The following ZNF212 variants were observed in gnomAD, a reference collection of about 807,000 sequenced individuals.
The protein encoded by ZNF212 is Zinc finger protein C2H2-150.
Under a neutral mutation model 47.3 loss-of-function variants are expected in ZNF212, and 32 were observed. The observed-to-expected ratio is 0.68, with a 90% confidence interval of 0.51 to 0.91. ZNF212 has a LOEUF of 0.91. Among genes scored for constraint, ZNF212 ranks in the 40% least tolerant of loss-of-function variants. The pLI is 0.00. For missense variants in ZNF212, 555 were observed against 622.8 expected (o/e 0.89, Z 1.16); for synonymous variants, 242 against 253.8 (o/e 0.95, Z 0.44).
chr7:149,250,580 G>A, intron 2 of ZNF212, 32 bp downstream of exon 2: 1 of 1,604,084 alleles, frequency 6.2e-7, no homozygotes, highest in Admixed American at 1.7e-5. Context: ...AGTTAGAAGA[G>A]AAGGGGGAGC....
At chr7:149,252,919 C>A in intron 4 of ZNF212, 124 bp downstream of exon 4, 1 of 905,990 alleles carries the variant, frequency 1.1e-6, no homozygotes, top group Non-Finnish European at 1.7e-6. Context: ...TTGTTCTGGA[C>A]TCCTTTATGA....
intron 1 of ZNF212, among the ~76,000 whole-genome samples, chr7:149,246,813 C>CTTTTTTTTTTTTTTTTTTTTTTTTTTT (rs71194633): frequency 9.7e-6 from 1 of 103,592 alleles, no homozygotes; most frequent in Non-Finnish European, 1.9e-5. Context: ...TGTCTGAATT[C>CTTTTTTTTTTTTTTTTTTTTTTTTTTT]TTTTTTTTTT....
chr7:149,247,832 A>C (rs1419158013), intron 1 of ZNF212, among the ~76,000 whole-genome samples: 5 of 152,216 alleles, frequency 3.3e-5, no homozygotes, highest in Non-Finnish European at 7.3e-5. Flanking sequence ...TTGGTGTAAC[A>C]GAATACATGA....
In ZNF212 at chr7:149,250,453, C is replaced by T. The variant is rs1250866299; in HGVS notation, c.319C>T (p.Leu107=). 11 of 1,614,158 alleles carry T rather than the reference C, an allele frequency of 6.8e-6. No homozygotes were observed. In the South Asian group the frequency reaches 8.8e-5, roughly 13 times the overall value. The change falls in exon 2 of 5, where the codon CTG becomes TTG. Residue 107 remains leucine (L), a synonymous_variant. Transcript: ENST00000335870. ...GACCCTGCTGCAGGAGTATGGGCTACTGCAGAGGCGGCTGGAGAACGTGGA... is the reference window on the plus strand; with the variant it reads ...GACCCTGCTGCAGGAGTATGGGCTATTGCAGAGGCGGCTGGAGAACGTGGA... ...LGTLLQEYGL[L]QRRLENVENL...
intron 1 of ZNF212, among the ~76,000 whole-genome samples, chr7:149,241,030 T>C (rs1448990915): frequency 6.6e-6 from 1 of 152,164 alleles, no homozygotes; most frequent in Non-Finnish European, 1.5e-5. Flanking sequence ...TTCCACAAGA[T>C]CTAGTTAGTG....
intron 3 of ZNF212, chr7:149,251,169 A>T: frequency 3.9e-6 from 1 of 259,130 alleles, no homozygotes; most frequent in South Asian, 4.0e-5. Flanking sequence ...TTGTTTTTTA[A>T]TTTATTTTAT....
At chr7:149,242,379 G>A (rs1376865968) in intron 1 of ZNF212, among the ~76,000 whole-genome samples, 1 of 151,764 alleles carries the variant, frequency 6.6e-6, no homozygotes, top group Non-Finnish European at 1.5e-5. Flanking sequence ...ACCTTGAAAT[G>A]AAGTACAGCA....
intron 1 of ZNF212, 67 bp from the exon 2 acceptor site, chr7:149,250,092 A>G (rs1796730725): frequency 1.4e-6 from 2 of 1,432,472 alleles, no homozygotes; most frequent in Non-Finnish European, 1.8e-6. Flanking sequence ...GCACTGATAC[A>G]CTTGAACACT....
At chr7:149,244,392 A>G (rs564897263) in intron 1 of ZNF212, among the ~76,000 whole-genome samples, 58 of 152,124 alleles carry the variant, frequency 3.8e-4, no homozygotes, top group Admixed American at 8.5e-4. Flanking sequence ...GGCTCACTGC[A>G]AGCTCCGCCT....
At chr7:149,247,414 A>G (rs988554126) in intron 1 of ZNF212, among the ~76,000 whole-genome samples, 2 of 152,096 alleles carry the variant, frequency 1.3e-5, no homozygotes, top group Non-Finnish European at 2.9e-5. Flanking sequence ...CCTTTGTCTG[A>G]TTCCCGTCAC....
chr7:149,244,662 G>A (rs149706353), intron 1 of ZNF212, among the ~76,000 whole-genome samples: 18 of 152,240 alleles, frequency 1.2e-4, no homozygotes, highest in African/African-American at 4.1e-4. Context: ...ATATCAAAGT[G>A]TAGAGACAAA....
rs77827633 is a variant in ZNF212, at chr7:149,253,695, C to A, written c.768C>A (p.Gly256=). 1,101 of 1,614,138 alleles carry A rather than the reference C, an allele frequency of 6.8e-4. 8 individuals carry two copies. In the African/African-American group the frequency reaches 0.013, roughly 19 times the overall value. ...PEQTELWGGQ[G]SSVLLETGPG... ...AGACCGAACTCTGGGGTGGTCAGGG[C>A]AGTTCTGTCCTCTTGGAAACAGGTC... is the stretch of plus-strand genomic sequence containing the variant. Residue 256 remains glycine (G), a synonymous_variant, in exon 5 of 5, where the codon GGC becomes GGA. Coordinates refer to ENST00000335870, the MANE Select transcript of ZNF212 (RefSeq NM_012256.4).
Position 149,254,211 on chromosome 7 carries a change from C to A in ZNF212, c.1284C>A (p.Ile428=). ...IPWRKSRSSL[I]CGYCGKSFSH... ...GGAGGAAAAGCCGGAGTTCCCTCAT[C>A]TGTGGTTACTGTGGCAAGAGCTTCA... is the stretch of plus-strand genomic sequence containing the variant. Residue 428 remains isoleucine (I), a synonymous_variant, in exon 5 of 5, where the codon ATC becomes ATA. Transcript: ENST00000335870. This position sits in a 1 kb window ranked among gnomAD's most constrained non-coding sequence, Gnocchi z 4.5. 6.2e-7 allele frequency: 1 copy of A among 1,614,270 alleles called. No individual in the cohort carries two copies. Among genetic ancestry groups the A allele is most frequent in the East Asian group, 2.2e-5 (1 of 44,888 alleles).
chr7:149,255,327 G>GT lies in ZNF212; in HGVS notation c.*914dup, dbSNP rs1796822856. On this transcript the variant is annotated 3_prime_UTR_variant, in exon 5 of 5. Coordinates refer to ENST00000335870, the MANE Select transcript of ZNF212 (RefSeq NM_012256.4). ...GTAGAAAACTACTTTGTTACTTAAG[G>GT]TTGTTCACCTTGTACCAGTGGTTAT... The GT allele has an allele frequency of 6.5e-6, 1 of 153,712 alleles. No individual in the cohort carries two copies. The highest frequency in any genetic ancestry group is 2.1e-4 in the South Asian group (1 of 4,836). 9.5% of individuals were successfully genotyped at this position (153,712 alleles called of 1,614,324 possible).
At position 149,250,166 on chromosome 7, in the gene ZNF212, G is replaced by C; in HGVS notation, c.32G>C (p.Arg11Thr). MAESAPARHR[R>T]KRRSTPLTSS... Reference sequence around the variant, plus strand: ...GTGTCTTTAATCCATCAGCACAGGAGAAAACGACGCTCCACACCTTTAACT... The same window carrying C: ...GTGTCTTTAATCCATCAGCACAGGACAAAACGACGCTCCACACCTTTAACT... Residue 11 changes from arginine (R) to threonine (T), a missense_variant, in exon 2 of 5, where the codon AGA (arginine) becomes ACA (threonine). Transcript: ENST00000335870. 1 of 1,527,094 alleles carries C rather than the reference G, an allele frequency of 6.5e-7. No homozygotes were observed. Among genetic ancestry groups the C allele is most frequent in the Non-Finnish European group, 8.8e-7 (1 of 1,140,278 alleles). 94.6% of individuals were successfully genotyped at this position (1,527,094 alleles called of 1,614,324 possible).
At chr7:149,242,213 G>A (rs972888290) in intron 1 of ZNF212, among the ~76,000 whole-genome samples, 2 of 151,502 alleles carry the variant, frequency 1.3e-5, no homozygotes, top group South Asian at 2.1e-4. Flanking sequence ...TAGAGATGGG[G>A]TTTCACCGTG....
chr7:149,247,989 G>C (rs1796700973), intron 1 of ZNF212, among the ~76,000 whole-genome samples: 1 of 151,930 alleles, frequency 6.6e-6, no homozygotes, highest in Non-Finnish European at 1.5e-5. Flanking sequence ...TGTGTGTAGA[G>C]ATCACATGGT....
intron 1 of ZNF212, among the ~76,000 whole-genome samples, chr7:149,244,302 A>G (rs917685366): frequency 6.6e-6 from 1 of 151,828 alleles, no homozygotes; most frequent in African/African-American, 2.4e-5. Flanking sequence ...AGAAATGATT[A>G]TTTTTATTTT....
chr7:149,245,953 T>C (rs1009182835), intron 1 of ZNF212, among the ~76,000 whole-genome samples: 2 of 152,248 alleles, frequency 1.3e-5, no homozygotes, highest in African/African-American at 4.8e-5. Context: ...CTGAATGTTA[T>C]TCTTTGTGTC....
Sources: allele counts gnomAD v4.1 joint callset (sites outside exome capture counted in the v4.1 genomes callset), GRCh38; gene constraint gnomAD v4.1.1; non-coding constraint Gnocchi (gnomAD v3.1); transcripts MANE v1.5; gene names NCBI Gene and HGNC (gene_info 2026-07-23, HGNC 2026-07-21).